Variants in VPS41 observed in about 807,000 individuals in gnomAD.
The protein encoded by VPS41 is vacuolar protein sorting-associated protein 41 homolog.
A neutral mutation model predicts 130.9 loss-of-function variants in VPS41; 85 were observed. The observed-to-expected ratio is 0.65, with a 90% confidence interval of 0.55 to 0.78. The LOEUF is 0.78. VPS41 is among the 30% of genes least tolerant of loss of function. VPS41 has a pLI of 0.00. For synonymous variants in VPS41, 335 were observed against 332.9 expected, an observed-to-expected ratio of 1.01 and a Z score of -0.07; for missense variants, 874 against 1,018.7, an observed-to-expected ratio of 0.86 and a Z score of 1.93.
chr7:38,812,151 A>C (rs1784957350), intron 7 of VPS41, among the ~76,000 whole-genome samples: 2 of 152,128 alleles, frequency 1.3e-5, no homozygotes, highest in African/African-American at 4.8e-5. Context: ...CCCATAACTA[A>C]TTACAGAAAA....
intron 4 of VPS41, among the ~76,000 whole-genome samples, chr7:38,840,216 A>C (rs953841524): frequency 1.3e-5 from 2 of 152,234 alleles, no homozygotes; most frequent in African/African-American, 4.8e-5. Context: ...ACAACGAGCT[A>C]TATAAACACT....
At chr7:38,741,258 G>T in intron 25 of VPS41, 1 of 278,704 alleles carries the variant, frequency 3.6e-6, no homozygotes, top group Non-Finnish European at 7.4e-6. Flanking sequence ...TCATTTTCAA[G>T]TAAATTAGAG....
intron 22 of VPS41, 118 bp downstream of exon 22, chr7:38,752,058 G>A (rs1783684565): frequency 4.2e-6 from 6 of 1,419,050 alleles, no homozygotes; most frequent in Non-Finnish European, 5.8e-6. Context: ...GAGAGCAACA[G>A]TCTTCCCCCT....
intron 28 of VPS41, 61 bp from the exon 29 acceptor site, chr7:38,726,387 T>C (rs1795545363): frequency 7.6e-7 from 1 of 1,322,068 alleles, no homozygotes; most frequent in Admixed American, 1.7e-5. Flanking sequence ...ACTCTCATAT[T>C]CAGAAACACT....
intron 4 of VPS41, among the ~76,000 whole-genome samples, chr7:38,831,636 G>A (rs1214079887): frequency 6.6e-6 from 1 of 151,522 alleles, no homozygotes; most frequent in African/African-American, 2.4e-5. Flanking sequence ...AAAAGCTCAT[G>A]GCCTATCCTA....
chr7:38,895,196 C>A (rs984956787), intron 2 of VPS41, among the ~76,000 whole-genome samples: 1 of 152,086 alleles, frequency 6.6e-6, no homozygotes, highest in Admixed American at 6.5e-5. Context: ...TTGGTGCACA[C>A]CTGTAATCAC....
At chr7:38,870,785 A>T (rs1306773443) in intron 2 of VPS41, among the ~76,000 whole-genome samples, 1 of 147,064 alleles carries the variant, frequency 6.8e-6, no homozygotes, top group African/African-American at 2.5e-5. Flanking sequence ...CAGAAAGCTG[A>T]TGAAAAGATA....
chr7:38,816,907 CTAATTTCTTCATTTTTT>C (rs1785061665), intron 7 of VPS41, among the ~76,000 whole-genome samples: 1 of 152,112 alleles, frequency 6.6e-6, no homozygotes, highest in African/African-American at 2.4e-5. Context: ...CCACACGCAG[CTAATTTCTTCATTTTTT>C]TGTAGAGTCG....
chr7:38,789,340 T>C (rs1386784530), intron 10 of VPS41, among the ~76,000 whole-genome samples: 2 of 151,960 alleles, frequency 1.3e-5, no homozygotes, highest in East Asian at 3.9e-4. Flanking sequence ...GTGCCTAAAA[T>C]GGGAAGACCT....
intron 5 of VPS41, among the ~76,000 whole-genome samples, chr7:38,829,959 T>C (rs1043671009): frequency 3.3e-5 from 5 of 152,102 alleles, no homozygotes; most frequent in Non-Finnish European, 7.3e-5. Context: ...AACTGCAGAC[T>C]AGTCACTGAA....
chr7:38,908,044 T>C (rs1787307345), intron 1 of VPS41, among the ~76,000 whole-genome samples: 1 of 152,204 alleles, frequency 6.6e-6, no homozygotes, highest in African/African-American at 2.4e-5. Flanking sequence ...GTCTCAATTA[T>C]TGGCATATAT....
chr7:38,767,704 T>C, intron 14 of VPS41, 106 bp from the exon 15 acceptor site: 1 of 677,110 alleles, frequency 1.5e-6, no homozygotes, highest in South Asian at 2.0e-5. Context: ...TTAGCTCTAC[T>C]GACTATAACC....
At chr7:38,732,181 C>T (rs1171091689) in intron 25 of VPS41, among the ~76,000 whole-genome samples, 1 of 152,184 alleles carries the variant, frequency 6.6e-6, no homozygotes, top group Admixed American at 6.5e-5. Context: ...GGCAACAACC[C>T]TGAGGTACAC....
At chr7:38,857,021 CT>C (rs965999275) in intron 4 of VPS41, among the ~76,000 whole-genome samples, 1 of 152,210 alleles carries the variant, frequency 6.6e-6, no homozygotes, top group African/African-American at 2.4e-5. Context: ...TAACAAAGAA[CT>C]GTGAAATGTT....
intron 4 of VPS41, among the ~76,000 whole-genome samples, chr7:38,835,186 C>G (rs1237235617): frequency 6.6e-6 from 1 of 151,842 alleles, no homozygotes; most frequent in Admixed American, 6.6e-5. Flanking sequence ...TGTTTATCAG[C>G]TGTACTAGCC....
intron 2 of VPS41, among the ~76,000 whole-genome samples, chr7:38,876,786 G>T (rs1221652354): frequency 6.6e-6 from 1 of 152,076 alleles, no homozygotes; most frequent in Non-Finnish European, 1.5e-5. Flanking sequence ...TCTCTCCTGT[G>T]CCCTGTAGTA....
In VPS41 at chr7:38,817,884, T is replaced by C; in HGVS notation, c.385-2A>G. ...GAAATGTGGGTGCACAGCAATAATC[T>C]ACAAGAGAAACAGAACCCAACTCTG... On this transcript the variant is annotated splice_acceptor_variant, in intron 6 of 28. Transcript: ENST00000310301. LOFTEE classifies it high-confidence loss of function. The C allele has an allele frequency of 1.2e-6, 2 of 1,613,754 alleles. No individual in the cohort carries two copies. Among genetic ancestry groups the C allele is most frequent in the East Asian group, 4.5e-5 (2 of 44,872 alleles).
intron 14 of VPS41, among the ~76,000 whole-genome samples, chr7:38,769,412 A>G (rs894474321): frequency 6.6e-6 from 1 of 152,250 alleles, no homozygotes; most frequent in Non-Finnish European, 1.5e-5. Context: ...AACAGGTTAC[A>G]GTCAGTAGTG....
intron 7 of VPS41, among the ~76,000 whole-genome samples, chr7:38,800,026 A>G (rs1342324987): frequency 6.6e-6 from 1 of 152,140 alleles, no homozygotes; most frequent in Admixed American, 6.5e-5. Context: ...CATGGACTCA[A>G]AGCTTTTAAA....
Sources: allele counts gnomAD v4.1 joint callset (sites outside exome capture counted in the v4.1 genomes callset), GRCh38; gene constraint gnomAD v4.1.1; transcripts MANE v1.5; gene names NCBI Gene and HGNC (gene_info 2026-07-23, HGNC 2026-07-21).